DGCR8: variants seen among roughly 807,000 people sequenced by gnomAD.
DGCR8 encodes the protein microprocessor complex subunit DGCR8.
Under a neutral mutation model 78.5 loss-of-function variants are expected in DGCR8, and 14 were observed. The ratio of observed to expected loss-of-function variants is 0.18; its 90% confidence interval spans 0.12 to 0.28. DGCR8 has a LOEUF of 0.28. Among genes scored for constraint, DGCR8 ranks in the 10% least tolerant of loss-of-function variants. DGCR8 has a pLI of 1.00. For synonymous variants in DGCR8, 399 were observed against 402.4 expected (o/e 0.99, Z 0.10); for missense variants, 702 against 1,022.5 (o/e 0.69, Z 4.28).
At chr22:20,107,476 G>T (rs1263726580) in intron 12 of DGCR8, 78 bp downstream of exon 12, 20 of 1,568,502 alleles carry the variant, frequency 1.3e-5, no homozygotes, top group Admixed American at 8.4e-5. Context: ...GTGCTCAGAG[G>T]GGGCAGAGCT....
In DGCR8 at chr22:20,108,885, C is replaced by T. The variant is rs759779913; in HGVS notation, c.2125-5C>T. The T allele has an allele frequency of 1.3e-6, 2 of 1,520,382 alleles. No individual in the cohort carries two copies. The highest frequency in any genetic ancestry group is 1.7e-4 in the Middle Eastern group (1 of 5,908). The allele number at this position is 1,520,382 out of a possible 1,614,324, so 94.2% of individuals were successfully genotyped here. A position where few individuals can be genotyped will look rare whatever the true frequency, so the allele number is the denominator to read the frequency against. ...GTCCTGAGCGTGAGGTGCTATACTT[C>T]CCAGGAGACATCGGACAAGAGTGTG... is the stretch of plus-strand genomic sequence containing the variant. On this transcript the variant is annotated splice_region_variant and splice_polypyrimidine_tract_variant and intron_variant, in intron 12 of 13. Coordinates refer to ENST00000351989, the MANE Select transcript of DGCR8 (RefSeq NM_022720.7).
At chr22:20,091,692 G>A in intron 6 of DGCR8, 60 bp downstream of exon 6, 1 of 1,587,702 alleles carries the variant, frequency 6.3e-7, no homozygotes, top group South Asian at 1.1e-5. Flanking sequence ...CTAATGTGAT[G>A]TGTTGAGGGC....
At chr22:20,101,135 T>A in intron 9 of DGCR8, 19 of 898,992 alleles carry the variant, frequency 2.1e-5, no homozygotes, top group Non-Finnish European at 2.4e-5. Context: ...AAGACAAACC[T>A]AGCACTCAGG....
chr22:20,102,080 CT>C (rs373573043), intron 9 of DGCR8: 15,351 of 742,982 alleles, frequency 0.021, no homozygotes, highest in Middle Eastern at 0.026. Context: ...CAAGTGTTTT[CT>C]TTTTTTTTTT....
chr22:20,101,719 A>G (rs1379313666), intron 9 of DGCR8: 3 of 985,014 alleles, frequency 3.0e-6, no homozygotes, highest in East Asian at 1.1e-4. Context: ...GGAAGTTTCT[A>G]TTTGCTGGTC....
intron 9 of DGCR8, chr22:20,100,846 C>T (rs2049690724): frequency 7.1e-6 from 7 of 982,812 alleles, no homozygotes; most frequent in African/African-American, 1.7e-5. Context: ...CTGGAGCTAG[C>T]GTCATATCTC....
At chr22:20,109,881 C>T in intron 13 of DGCR8, 144 bp from the exon 14 acceptor site, 8 of 755,566 alleles carry the variant, frequency 1.1e-5, no homozygotes, top group Non-Finnish European at 1.5e-5. Flanking sequence ...CCTGCTCCTC[C>T]TAGCCTGGCA....
rs1434863265 is a variant in DGCR8, at chr22:20,086,502, A to G, written c.539A>G (p.Asp180Gly). Residue 180 changes from aspartate (D) to glycine (G), a missense_variant, in exon 2 of 14, where the codon GAT becomes GGT. Around this residue, in one of 4 missense-constraint regions of DGCR8, gnomAD observed 356 missense variants for 448.9 expected, o/e 0.79. Transcript: ENST00000351989. The surrounding 1 kb of genome is among the most constrained non-coding windows in gnomAD (Gnocchi z 6.4). ...DGVGIGGESA[D>G]KKDEENELDQ... is the part of the protein sequence containing the mutation. Reference sequence around the variant, plus strand: ...GTAGGCATAGGGGGTGAGAGTGCTGATAAGAAGGATGAGGAGAATGAGCTG... The same window carrying G: ...GTAGGCATAGGGGGTGAGAGTGCTGGTAAGAAGGATGAGGAGAATGAGCTG... The G allele has an allele frequency of 1.9e-6, 3 of 1,613,924 alleles. No individual in the cohort carries two copies. The highest frequency in any genetic ancestry group is 1.6e-4 in the Middle Eastern group (1 of 6,084).
At chr22:20,088,738 T>G (rs1036928687) in intron 3 of DGCR8, among the ~76,000 whole-genome samples, 3 of 152,336 alleles carry the variant, frequency 2.0e-5, no homozygotes, top group South Asian at 4.1e-4. Flanking sequence ...TACCTAGCCC[T>G]GAGAGTCACT....
Position 20,087,063 on chromosome 22 carries a change from A to G in DGCR8, c.721-99A>G. On this transcript the variant is annotated intron_variant, in intron 2 of 13. Coordinates refer to ENST00000351989, the MANE Select transcript of DGCR8 (RefSeq NM_022720.7). The surrounding 1 kb of genome is among the most constrained non-coding windows in gnomAD (Gnocchi z 4.1). ...GGGCACATCTAGGCCCCCTGAGAGC[A>G]CCTCCTTTCTGTGTCTGTTCTCAGG... 1 of 1,464,440 alleles carries G rather than the reference A, an allele frequency of 6.8e-7. No individual in the cohort carries two copies. Among genetic ancestry groups the G allele is most frequent in the Non-Finnish European group, 9.2e-7 (1 of 1,086,026 alleles). 90.7% of individuals were successfully genotyped at this position (1,464,440 alleles called of 1,614,324 possible).
At chr22:20,097,808 TTTAA>T (rs2049646208) in intron 9 of DGCR8, among the ~76,000 whole-genome samples, 3 of 129,104 alleles carry the variant, frequency 2.3e-5, no homozygotes, top group Admixed American at 9.2e-5. Context: ...GTTTTTATAC[TTTAA>T]TTCTTTTTTT....
chr22:20,103,848 G>T (rs1479940188), intron 9 of DGCR8, among the ~76,000 whole-genome samples: 4 of 152,192 alleles, frequency 2.6e-5, no homozygotes, highest in African/African-American at 9.7e-5. Context: ...TTCTTGAACA[G>T]GTGTAGGGCT....
chr22:20,092,395 G>C (rs2049576172), intron 7 of DGCR8, among the ~76,000 whole-genome samples: 1 of 152,166 alleles, frequency 6.6e-6, no homozygotes, highest in African/African-American at 2.4e-5. Context: ...CCTTTGTGAA[G>C]ACCAGTCTGT....
rs2049850193 is a variant in DGCR8 at position 20,111,706 on chromosome 22, G to GCA, written c.*1599_*1600insAC. The GCA allele has an allele frequency of 1.6e-5, 1 of 63,028 alleles. No individual in the cohort carries two copies. The highest frequency in any genetic ancestry group is 8.7e-5 in the African/African-American group (1 of 11,454). 3.9% of individuals were successfully genotyped at this position (63,028 alleles called of 1,614,324 possible). On this transcript the variant is annotated 3_prime_UTR_variant, in exon 14 of 14. Coordinates refer to ENST00000351989, the MANE Select transcript of DGCR8 (RefSeq NM_022720.7). ...TGCCATACTCTTGTGGTCTCTGTGC[G>GCA]CCCCCCCCCCCCCCCCACCCGTCTG...
chr22:20,098,946 C>T (rs2049662875), intron 9 of DGCR8, among the ~76,000 whole-genome samples: 1 of 152,230 alleles, frequency 6.6e-6, no homozygotes, highest in Non-Finnish European at 1.5e-5. Context: ...TAGTGACTTT[C>T]CTAGATTGAT....
chr22:20,108,269 G>T (rs1349646161), intron 12 of DGCR8: 1 of 152,590 alleles, frequency 6.6e-6, no homozygotes, highest in Non-Finnish European at 1.5e-5. Flanking sequence ...TGCCCTTGCT[G>T]TGCATGGTCC....
intron 1 of DGCR8, among the ~76,000 whole-genome samples, chr22:20,082,588 C>T (rs1391385649): frequency 1.3e-5 from 2 of 150,710 alleles, no homozygotes; most frequent in South Asian, 2.1e-4. Flanking sequence ...AGGGTGGTGT[C>T]GATCTCCTGA....
intron 9 of DGCR8, 138 bp downstream of exon 9, chr22:20,094,933 G>A: frequency 1.5e-6 from 1 of 665,470 alleles, no homozygotes. Flanking sequence ...CAGCCTCCAG[G>A]TTCTTCTGTT....
chr22:20,086,710 G>A lies in DGCR8; in HGVS notation c.720+27G>A. 6.4e-7 allele frequency: 1 copy of A among 1,557,250 alleles called. No homozygotes were observed. The highest frequency in any genetic ancestry group is 8.6e-7 in the Non-Finnish European group (1 of 1,158,860). ...TATGTTGGCAGCCCCTCCTCTAGAG[G>A]GCTCTTAGCAAAACCCAAAGAGAGA... is the stretch of plus-strand genomic sequence containing the variant. On this transcript the variant is annotated intron_variant, in intron 2 of 13. Transcript: ENST00000351989. This position sits in a 1 kb window ranked among gnomAD's most constrained non-coding sequence, Gnocchi z 6.4.
Sources: allele counts gnomAD v4.1 joint callset (sites outside exome capture counted in the v4.1 genomes callset), GRCh38; gene constraint gnomAD v4.1.1; regional missense constraint gnomAD v4.1.1; non-coding constraint Gnocchi (gnomAD v3.1); transcripts MANE v1.5; gene names NCBI Gene and HGNC (gene_info 2026-07-23, HGNC 2026-07-21).